The following INPP4B variants were observed in gnomAD, a reference collection of about 807,000 sequenced individuals.
The protein encoded by INPP4B is inositol polyphosphate 4-phosphatase type II.
In INPP4B, 55 loss-of-function variants were observed where a neutral mutation model predicts 122.5. That is an observed-to-expected ratio of 0.45 (90% CI 0.36 to 0.56). INPP4B has a LOEUF of 0.56. Among genes scored for constraint, INPP4B ranks in the 20% least tolerant of loss-of-function variants. The pLI is 0.00. For missense variants in INPP4B, 1,000 were observed against 1,097.7 expected (o/e 0.91, Z 1.26); for synonymous variants, 403 against 388.7 (o/e 1.04, Z -0.43).
At chr4:142,729,136 G>A (rs1175270613) in intron 1 of INPP4B, among the ~76,000 whole-genome samples, 1 of 152,110 alleles carries the variant, frequency 6.6e-6, no homozygotes, top group African/African-American at 2.4e-5. Flanking sequence ...TCACAAGAGG[G>A]TTCATGCTCC....
chr4:142,647,646 G>T (rs966356246), intron 2 of INPP4B, among the ~76,000 whole-genome samples: 1 of 151,998 alleles, frequency 6.6e-6, no homozygotes, highest in East Asian at 1.9e-4. Flanking sequence ...CTAGAGAGAG[G>T]GAGCACAGTG....
rs1227380705 is a variant in INPP4B at position 142,431,337 on chromosome 4, G to A, written c.-78C>T. ...TTCTAGTGATTCCTGGTTTAATGTA[G>A]ATGTATCTTCACACTAAAGATCTGA... On this transcript the variant is annotated 5_prime_UTR_variant, in exon 4 of 26. Transcript: ENST00000262992. 1.0e-6 allele frequency: 1 copy of A among 972,416 alleles called. No homozygotes were observed. The highest frequency in any genetic ancestry group is 1.6e-6 in the Non-Finnish European group (1 of 609,542). 60.2% of individuals were successfully genotyped at this position (972,416 alleles called of 1,614,324 possible).
intron 8 of INPP4B, chr4:142,305,895 T>C (rs1763172509): frequency 1.9e-6 from 2 of 1,046,242 alleles, no homozygotes; most frequent in Non-Finnish European, 2.3e-6. Flanking sequence ...TTGTTCCTCT[T>C]ATTAGAATTC....
chr4:142,085,159 C>T (rs1451311794), intron 24 of INPP4B, among the ~76,000 whole-genome samples: 1 of 152,168 alleles, frequency 6.6e-6, no homozygotes, highest in Non-Finnish European at 1.5e-5. Flanking sequence ...AGAAGCTTTC[C>T]TCTGCCTTGC....
chr4:142,459,522 G>T (rs1452811797), intron 3 of INPP4B, among the ~76,000 whole-genome samples: 6 of 152,074 alleles, frequency 3.9e-5, no homozygotes. Context: ...TGTGAATAAA[G>T]ACTAAAAGGT....
intron 5 of INPP4B, among the ~76,000 whole-genome samples, chr4:142,423,054 A>G (rs1308665441): frequency 6.6e-6 from 1 of 152,052 alleles, no homozygotes; most frequent in African/African-American, 2.4e-5. Context: ...AGGCAAAAAT[A>G]CTAAAGAAGA....
intron 2 of INPP4B, among the ~76,000 whole-genome samples, chr4:142,575,967 C>A (rs953066863): frequency 4.6e-5 from 7 of 152,024 alleles, no homozygotes. Context: ...TGAATTCCCA[C>A]CTGTGCCCTT....
chr4:142,829,917 A>C (rs1781911029), intron 1 of INPP4B, among the ~76,000 whole-genome samples: 2 of 152,234 alleles, frequency 1.3e-5, no homozygotes, highest in Non-Finnish European at 1.5e-5. Flanking sequence ...ATATGCCATT[A>C]ACAGATAATT....
chr4:142,338,064 T>A (rs1328051939), intron 7 of INPP4B, among the ~76,000 whole-genome samples: 1 of 152,134 alleles, frequency 6.6e-6, no homozygotes, highest in Non-Finnish European at 1.5e-5. Flanking sequence ...CAATCCAGAA[T>A]TGCCTGTATT....
chr4:142,792,331 G>GA lies in INPP4B; in HGVS notation c.-254+53877dup, dbSNP rs554026601. On this transcript the variant is annotated intron_variant, in intron 1 of 25. Transcript: ENST00000262992. ...TATAAATTTTAGAAAATGTAAAAGA[G>GA]AAAAAAACAGAAAAAATACAAGAAT... Among the ~76,000 whole-genome samples, 13 of 151,522 alleles carry GA rather than the reference G, an allele frequency of 8.6e-5. No individual in the cohort carries two copies. In the South Asian group the frequency reaches 2.1e-3, roughly 24 times the overall value.
intron 3 of INPP4B, among the ~76,000 whole-genome samples, chr4:142,456,973 A>G (rs1815583278): frequency 6.6e-6 from 1 of 152,120 alleles, no homozygotes; most frequent in Non-Finnish European, 1.5e-5. Context: ...TAGTTACCGA[A>G]TAATAAGACA....
chr4:142,737,783 CA>C (rs1277848920), intron 1 of INPP4B, among the ~76,000 whole-genome samples: 1 of 152,102 alleles, frequency 6.6e-6, no homozygotes, highest in African/African-American at 2.4e-5. Flanking sequence ...ACAACCCCAT[CA>C]AAAAGTGAGC....
chr4:142,679,654 ACACCAT>A (rs1758313630), intron 2 of INPP4B, among the ~76,000 whole-genome samples: 1 of 151,780 alleles, frequency 6.6e-6, no homozygotes, highest in African/African-American at 2.4e-5. Context: ...CTGTTCTGTG[ACACCAT>A]CAACACCTCA....
intron 25 of INPP4B, among the ~76,000 whole-genome samples, chr4:142,061,905 T>C (rs1180273317): frequency 0.017 from 52 of 3,012 alleles, no homozygotes; most frequent in Admixed American, 0.045. Context: ...TATATATATA[T>C]ATATATATAT....
chr4:142,357,862 A>G (rs921088690), intron 7 of INPP4B, among the ~76,000 whole-genome samples: 10 of 152,172 alleles, frequency 6.6e-5, no homozygotes, highest in African/African-American at 2.4e-4. Flanking sequence ...TGAAAGATGT[A>G]AAATATTCAT....
intron 7 of INPP4B, among the ~76,000 whole-genome samples, chr4:142,332,438 T>G (rs768943113): frequency 2.0e-5 from 3 of 151,968 alleles, no homozygotes; most frequent in Non-Finnish European, 4.4e-5. Context: ...ATTAAAGGCT[T>G]TTATAAAGCA....
chr4:142,715,310 T>G (rs1763623919), intron 2 of INPP4B, among the ~76,000 whole-genome samples: 2 of 152,226 alleles, frequency 1.3e-5, no homozygotes, highest in South Asian at 4.1e-4. Context: ...CATATAAATA[T>G]TGAGCACTTG....
intron 2 of INPP4B, among the ~76,000 whole-genome samples, chr4:142,548,791 ATTAAT>A (rs758404616): frequency 2.6e-5 from 4 of 151,802 alleles, no homozygotes; most frequent in Non-Finnish European, 4.4e-5. Flanking sequence ...ATATATATAT[ATTAAT>A]TTAACGTTTT....
chr4:142,208,772 A>G, intron 13 of INPP4B, 124 bp downstream of exon 13: 2 of 718,974 alleles, frequency 2.8e-6, no homozygotes, highest in Non-Finnish European at 2.0e-6. Flanking sequence ...AAAGTTAGAA[A>G]TAAAAGAGTT....
Sources: gnomAD v4.1 joint callset for allele counts (sites outside exome capture counted in the v4.1 genomes callset) on GRCh38, gnomAD v4.1.1 for gene constraint, MANE v1.5 for transcripts, NCBI Gene and HGNC (gene_info 2026-07-23, HGNC 2026-07-21) for gene names.